Variants in F8 observed in about 807,000 individuals in gnomAD.
F8 encodes the protein coagulation factor VIII.
F8 carries 12 observed loss-of-function variants against 140.6 expected under a neutral mutation model. That is an observed-to-expected ratio of 0.09 (90% confidence interval 0.05 to 0.14). F8 has a LOEUF of 0.14. F8 is among the 10% of genes least tolerant of loss of function. F8 has a pLI of 1.00. For missense variants in F8, 1,354 were observed against 1,720.7 expected (o/e 0.79, Z 3.77); for synonymous variants, 585 against 614.6 (o/e 0.95, Z 0.71).
chrX:154,868,068 C>G (rs782773361), intron 22 of F8, among the ~76,000 whole-genome samples: 1 of 112,193 alleles, frequency 8.9e-6, no homozygotes, highest in Non-Finnish European at 1.9e-5. Context: ...GAAAAGCTCA[C>G]AGCTGATATC....
intron 1 of F8, among the ~76,000 whole-genome samples, chrX:155,016,310 T>C (rs782439659): frequency 8.9e-6 from 1 of 111,855 alleles, no homozygotes; most frequent in East Asian, 2.8e-4. Context: ...CCAGGATATA[T>C]TGCAACTGGA....
intron 22 of F8, among the ~76,000 whole-genome samples, chrX:154,870,724 G>C (rs1312774925): frequency 9.0e-6 from 1 of 111,412 alleles, no homozygotes; most frequent in East Asian, 2.8e-4. Context: ...AAGCAATAAA[G>C]GGTATTCAAA....
At chrX:154,914,730 G>C (rs1454376525) in intron 14 of F8, among the ~76,000 whole-genome samples, 2 of 111,945 alleles carry the variant, frequency 1.8e-5, no homozygotes, top group Non-Finnish European at 3.8e-5. Context: ...TCTCTAGGAA[G>C]TTCCAAACTT....
rs782305026 is a variant in F8, at chrX:154,965,953, T to C, written c.1443+17A>G. On this transcript the variant is annotated intron_variant, in intron 9 of 25. Transcript: ENST00000360256. The stretch of plus-strand genomic sequence containing the variant: ...CTTTTTCTTCTTACCTGACCTTAAA[T>C]CTTTTCTTCAACTTACCAACAGTGT... 4.1e-6 allele frequency: 5 copies of C among 1,209,387 alleles called. No homozygotes were observed. The highest frequency in any genetic ancestry group is 1.8e-5 in the South Asian group (1 of 56,850).
At chrX:154,863,000 C>T in intron 23 of F8, 83 bp downstream of exon 23, 1 of 1,071,979 alleles carries the variant, frequency 9.3e-7, no homozygotes, top group Non-Finnish European at 1.3e-6. Context: ...GGGAACCCCT[C>T]CCCCAGTCTC....
intron 11 of F8, among the ~76,000 whole-genome samples, chrX:154,954,968 G>A (rs2073355929): frequency 9.1e-6 from 1 of 110,483 alleles, no homozygotes; most frequent in African/African-American, 3.3e-5. Context: ...ATAATCAAAT[G>A]GACATGTAGT....
At chrX:154,969,616 C>G in intron 6 of F8, 64 bp from the exon 7 acceptor site, 1 of 1,000,210 alleles carries the variant, frequency 1.0e-6, no homozygotes, top group East Asian at 3.0e-5. Flanking sequence ...AAAACACTTG[C>G]TAGGACAGAA....
rs184833716 is a variant in F8, at chrX:154,859,381, C to T, written c.6900+1051G>A. The stretch of plus-strand genomic sequence containing the variant: ...GCAGTGGTGCGATCTCGGCTCACTG[C>T]AAGCTCTGCCTCCCGGGTTCATGCC... On this transcript the variant is annotated intron_variant, in intron 25 of 25. Coordinates refer to ENST00000360256, the MANE Select transcript of F8 (RefSeq NM_000132.4). Among the ~76,000 whole-genome samples, 12 of 106,700 alleles carry T rather than the reference C, an allele frequency of 1.1e-4. No homozygotes were observed. The East Asian group carries it at 3.5e-3, about 31-fold the overall frequency. 92.7% of individuals were successfully genotyped at this position (106,700 alleles called of 115,157 possible).
chrX:155,013,003 A>T (rs189978604), intron 1 of F8, among the ~76,000 whole-genome samples: 2 of 108,782 alleles, frequency 1.8e-5, no homozygotes, highest in Non-Finnish European at 3.8e-5. Context: ...AAAATTAGCC[A>T]GGCGTGGTGG....
chrX:154,974,531 T>C (rs1228043458), intron 6 of F8, among the ~76,000 whole-genome samples: 2 of 112,025 alleles, frequency 1.8e-5, no homozygotes, highest in Non-Finnish European at 3.8e-5. Flanking sequence ...TTGTTGAGGA[T>C]ATTGGCCTGT....
intron 25 of F8, among the ~76,000 whole-genome samples, chrX:154,847,144 A>G (rs2072573772): frequency 8.9e-6 from 1 of 112,347 alleles, no homozygotes; most frequent in South Asian, 3.7e-4. Flanking sequence ...AGTTTCTGCC[A>G]AGAGATCAGC....
chrX:154,915,452 G>A (rs916592337), intron 14 of F8, among the ~76,000 whole-genome samples: 10 of 112,020 alleles, frequency 8.9e-5, no homozygotes, highest in Admixed American at 9.4e-5. Flanking sequence ...ATGAACATGG[G>A]ATAGATACCT....
At chrX:154,925,572 A>G (rs781839492) in intron 14 of F8, among the ~76,000 whole-genome samples, 3 of 112,777 alleles carry the variant, frequency 2.7e-5, no homozygotes, top group Non-Finnish European at 5.6e-5. Context: ...TTGCATCAGC[A>G]TGACTCAGAT....
chrX:154,860,431 C>T lies in F8; in HGVS notation c.6900+1G>A, dbSNP rs1409681779. ...CTTTCTTTCCAAGGAGACCAGCTTA[C>T]CTTTACTTTGCCATTCTGAAAAAAG... On this transcript the variant is annotated splice_donor_variant, in intron 25 of 25. Coordinates refer to ENST00000360256, the MANE Select transcript of F8 (RefSeq NM_000132.4). LOFTEE classifies it high-confidence loss of function. 1 of 1,209,867 alleles carries T rather than the reference C, an allele frequency of 8.3e-7. No homozygotes were observed. The highest frequency in any genetic ancestry group is 1.7e-5 in the African/African-American group (1 of 57,568).
intron 22 of F8, chrX:154,882,037 C>T (rs2072867149): frequency 3.5e-6 from 1 of 281,773 alleles, no homozygotes; most frequent in African/African-American, 3.1e-5. Flanking sequence ...TAATCCCCAC[C>T]TGTTGAAGGA....
chrX:155,019,099 A>G (rs781864635), intron 1 of F8, among the ~76,000 whole-genome samples: 7 of 112,232 alleles, frequency 6.2e-5, no homozygotes, highest in Non-Finnish European at 1.3e-4. Flanking sequence ...GACATCTATG[A>G]ACATAATTTG....
At chrX:154,966,793 T>C in intron 7 of F8, 106 bp from the exon 8 acceptor site, 1 of 989,849 alleles carries the variant, frequency 1.0e-6, no homozygotes, top group Non-Finnish European at 1.4e-6. Flanking sequence ...TTGGCTCATG[T>C]TTCTGCAGGC....
At chrX:154,863,342 A>G (rs1363960555) in intron 22 of F8, 115 bp from the exon 23 acceptor site, 3 of 664,663 alleles carry the variant, frequency 4.5e-6, no homozygotes, top group Non-Finnish European at 7.3e-6. Flanking sequence ...AGCATCCAAC[A>G]TCTACATAAG....
chrX:154,928,293 CT>C (rs1434262509), intron 14 of F8, among the ~76,000 whole-genome samples: 79 of 112,102 alleles, frequency 7.0e-4, no homozygotes, highest in African/African-American at 2.5e-3. Context: ...GAACTTGCTT[CT>C]TCCTTCTGCC....
Sources: gnomAD v4.1 joint callset for allele counts (sites outside exome capture counted in the v4.1 genomes callset) on GRCh38, gnomAD v4.1.1 for gene constraint, MANE v1.5 for transcripts, NCBI Gene and HGNC (gene_info 2026-07-23, HGNC 2026-07-21) for gene names.